Variants in PLAGL1 observed in about 807,000 individuals in gnomAD.
The protein encoded by PLAGL1 is zinc finger protein PLAGL1.
A neutral mutation model predicts 4.6 loss-of-function variants in PLAGL1; 1 was observed. That is an observed-to-expected ratio of 0.22 (90% CI 0.08 to 1.03). The LOEUF (loss-of-function observed/expected upper bound fraction) is 1.03, where lower values mean the gene tolerates loss of function less well. Among genes scored for constraint, PLAGL1 ranks in the 50% least tolerant of loss-of-function variants. PLAGL1 has a pLI of 0.58. For missense variants in PLAGL1, 464 were observed against 570.4 expected, an observed-to-expected ratio of 0.81 and a Z score of 1.90; for synonymous variants, 240 against 237.8, an observed-to-expected ratio of 1.01 and a Z score of -0.08.
upstream of PLAGL1, among the ~76,000 whole-genome samples, chr6:144,010,253 G>A (rs1473346588): frequency 6.6e-6 from 1 of 152,110 alleles, no homozygotes; most frequent in Non-Finnish European, 1.5e-5. This position sits in a 1 kb window ranked among gnomAD's most constrained non-coding sequence, Gnocchi z 4.1. Flanking sequence ...CTTCAGCAAA[G>A]TCTCAGGATA....
intron 1 of PLAGL1, among the ~76,000 whole-genome samples, chr6:144,046,638 CG>C (rs1562608026): frequency 6.6e-6 from 1 of 152,188 alleles, no homozygotes; most frequent in East Asian, 1.9e-4. Flanking sequence ...TTAGGCTACA[CG>C]GGGGTCAGGG....
In PLAGL1 at chr6:144,051,885, C is replaced by T. The variant is rs571717856; in HGVS notation, c.-151+12583G>A. ...ATCACCTCCCACTGGGTTACTCCCACGACATGTGGGAATTGTGGGAGTTAC... is the reference window on the plus strand; with the variant it reads ...ATCACCTCCCACTGGGTTACTCCCATGACATGTGGGAATTGTGGGAGTTAC... On this transcript the variant is annotated intron_variant, in intron 1 of 3. Transcript: ENST00000437412. Among the ~76,000 whole-genome samples, 63 of 152,300 alleles carry T rather than the reference C, an allele frequency of 4.1e-4. 2 individuals carry two copies. The highest frequency in any genetic ancestry group is 2.4e-3 in the Admixed American group (37 of 15,296).
rs1472794151 is a variant in PLAGL1 at position 143,990,687 on chromosome 6, T to G, written c.-583-5513A>C. Among the ~76,000 whole-genome samples, 1 of 152,204 alleles carries G rather than the reference T, an allele frequency of 6.6e-6. No homozygotes were observed. The highest frequency in any genetic ancestry group is 1.5e-5 in the Non-Finnish European group (1 of 68,044). ...CTCAAGAGAGATTACTAGGTTGAGA[T>G]AGTAAAAACGTACCTTCCCTTCAAG... is the stretch of plus-strand genomic sequence containing the variant. On this transcript the variant is annotated intron_variant, in intron 1 of 7. Coordinates refer to ENST00000674357, the MANE Select transcript of PLAGL1 (RefSeq NM_001317162.2). The surrounding 1 kb of genome is among the most constrained non-coding windows in gnomAD (Gnocchi z 5.4).
chr6:143,988,621 G>T (rs1429274962), intron 1 of PLAGL1, among the ~76,000 whole-genome samples: 1 of 152,168 alleles, frequency 6.6e-6, no homozygotes, highest in Non-Finnish European at 1.5e-5. Context: ...GGTCAGTTCA[G>T]GTTGTAATAA....
rs544894242 is a variant in PLAGL1, at chr6:143,961,788, C to T, written c.-398-1246G>A. Among the ~76,000 whole-genome samples, 148 of 152,174 alleles carry T rather than the reference C, an allele frequency of 9.7e-4. No homozygotes were observed. Among genetic ancestry groups the T allele is most frequent in the African/African-American group, 3.3e-3 (136 of 41,492 alleles). On this transcript the variant is annotated intron_variant, in intron 5 of 7. Transcript: ENST00000674357. This position sits in a 1 kb window ranked among gnomAD's most constrained non-coding sequence, Gnocchi z 6.5. ...TTAAAGCAAAAGAGTAAAATTCTTC[C>T]GGATGATTCTTCCTTTGCACCTACC...
At chr6:144,049,858 C>A (rs1044039017) in intron 1 of PLAGL1, among the ~76,000 whole-genome samples, 1 of 152,078 alleles carries the variant, frequency 6.6e-6, no homozygotes, top group South Asian at 2.1e-4. Context: ...GGCTCCAAAG[C>A]CAAGGTTTTT....
rs1781960236 is a variant in PLAGL1, at chr6:143,955,616, C to T, written c.-325+4853G>A. On this transcript the variant is annotated intron_variant, in intron 6 of 7. Transcript: ENST00000674357. The surrounding 1 kb of genome is among the most constrained non-coding windows in gnomAD (Gnocchi z 4.9). Reference sequence around the variant, plus strand: ...GCCTCAAAGGGCCACAGAAAACTGACAAAACCAAACTACCAAGGGGAAAGG... The same window carrying T: ...GCCTCAAAGGGCCACAGAAAACTGATAAAACCAAACTACCAAGGGGAAAGG... Among the ~76,000 whole-genome samples, 1 of 152,044 alleles carries T rather than the reference C, an allele frequency of 6.6e-6. No homozygotes were observed. Among genetic ancestry groups the T allele is most frequent in the Non-Finnish European group, 1.5e-5 (1 of 68,030 alleles).
intron 1 of PLAGL1, among the ~76,000 whole-genome samples, chr6:144,054,998 C>T (rs6570601): frequency 0.01 from 1,591 of 152,106 alleles, 42 homozygotes; most frequent in African/African-American, 0.035. Flanking sequence ...AATTAAAACA[C>T]GAGGAAAATG....
intron 2 of PLAGL1, among the ~76,000 whole-genome samples, chr6:143,980,512 A>G (rs758326258): frequency 7.2e-5 from 11 of 151,888 alleles, no homozygotes; most frequent in Non-Finnish European, 1.3e-4. Context: ...CTAGAGGTCT[A>G]GAAGTTCAAT....
chr6:144,011,537 AT>A (rs1197429332), upstream of PLAGL1, among the ~76,000 whole-genome samples: 2 of 152,224 alleles, frequency 1.3e-5, no homozygotes, highest in East Asian at 1.9e-4. The surrounding 1 kb of genome is among the most constrained non-coding windows in gnomAD (Gnocchi z 4.3). Flanking sequence ...TTCTAGATCA[AT>A]TTTTCCCCCC....
In PLAGL1 at chr6:144,034,813, G is replaced by C. The variant is rs1797100962; in HGVS notation, c.-151+29655C>G. On this transcript the variant is annotated intron_variant, in intron 1 of 3. Transcript: ENST00000437412. The surrounding 1 kb of genome is among the most constrained non-coding windows in gnomAD (Gnocchi z 4.7). ...ATTTGTGGAGTTTTGCAAGCTTTAA[G>C]CAAAGTAGATGAACCAGGAACAAAG... Among the ~76,000 whole-genome samples, 1 of 152,138 alleles carries C rather than the reference G, an allele frequency of 6.6e-6. No homozygotes were observed. Among genetic ancestry groups the C allele is most frequent in the Non-Finnish European group, 1.5e-5 (1 of 68,014 alleles).
At chr6:144,030,648 C>T (rs1179236046) in intron 1 of PLAGL1, among the ~76,000 whole-genome samples, 1 of 152,194 alleles carries the variant, frequency 6.6e-6, no homozygotes, top group South Asian at 2.1e-4. Flanking sequence ...TCTCCAATTC[C>T]ATCCAGGTTG....
chr6:143,951,248 C>T (rs1562402815), intron 6 of PLAGL1, among the ~76,000 whole-genome samples: 1 of 152,218 alleles, frequency 6.6e-6, no homozygotes, highest in Non-Finnish European at 1.5e-5. Flanking sequence ...TACAAATAGG[C>T]AGTATTTATG....
In PLAGL1 at chr6:143,954,100, C is replaced by G. The variant is rs951282753; in HGVS notation, c.-324-5640G>C. On this transcript the variant is annotated intron_variant, in intron 6 of 7. Coordinates refer to ENST00000674357, the MANE Select transcript of PLAGL1 (RefSeq NM_001317162.2). This position sits in a 1 kb window ranked among gnomAD's most constrained non-coding sequence, Gnocchi z 5.1. ...ACCAGCCCAAGAGAAAAGAGCAAACCATAAGGACAAAGGGGGTTTCCTCCA... is the reference window on the plus strand; with the variant it reads ...ACCAGCCCAAGAGAAAAGAGCAAACGATAAGGACAAAGGGGGTTTCCTCCA... 1.3e-5 allele frequency among the ~76,000 whole-genome samples: 2 copies of G among 152,082 alleles called. No individual in the cohort carries two copies. Among genetic ancestry groups the G allele is most frequent in the Admixed American group, 6.6e-5 (1 of 15,260 alleles).
At chr6:144,010,393 C>A (rs1013410183), upstream of PLAGL1, among the ~76,000 whole-genome samples, 8 of 152,162 alleles carry the variant, frequency 5.3e-5, no homozygotes, top group African/African-American at 9.7e-5. This position sits in a 1 kb window ranked among gnomAD's most constrained non-coding sequence, Gnocchi z 4.1. Flanking sequence ...ATACAACTTA[C>A]AAGAGATGTG....
At position 143,973,650 on chromosome 6, in the gene PLAGL1, T is replaced by C. The variant is rs1785850514; in HGVS notation, c.-543-4672A>G. ...TTCATGTCACCGTACCCAAACTATA[T>C]GGAAACTTTATTCTCAATCGAATGG... On this transcript the variant is annotated intron_variant, in intron 2 of 7. Transcript: ENST00000674357. This position sits in a 1 kb window ranked among gnomAD's most constrained non-coding sequence, Gnocchi z 6.2. Among the ~76,000 whole-genome samples the C allele has an allele frequency of 6.6e-6, 1 of 152,210 alleles. No homozygotes were observed. Among genetic ancestry groups the C allele is most frequent in the Non-Finnish European group, 1.5e-5 (1 of 68,024 alleles).
chr6:143,980,480 A>G (rs1253253324), intron 2 of PLAGL1, among the ~76,000 whole-genome samples: 4 of 151,030 alleles, frequency 2.6e-5, no homozygotes, highest in African/African-American at 9.7e-5. Context: ...TGTATTTTTC[A>G]ACTCAGGTGT....
rs1016905798 is a variant in PLAGL1 at position 143,990,815 on chromosome 6, T to C, written c.-583-5641A>G. Among the ~76,000 whole-genome samples, 1 of 152,248 alleles carries C rather than the reference T, an allele frequency of 6.6e-6. No individual in the cohort carries two copies. The highest frequency in any genetic ancestry group is 1.5e-5 in the Non-Finnish European group (1 of 68,052). On this transcript the variant is annotated intron_variant, in intron 1 of 7. Transcript: ENST00000674357. The surrounding 1 kb of genome is among the most constrained non-coding windows in gnomAD (Gnocchi z 5.4). ...TCTTTCCTCCCTTGTGTCATGCCGCTGCATTATATATCAGACACATTCCTT... is the reference window on the plus strand; with the variant it reads ...TCTTTCCTCCCTTGTGTCATGCCGCCGCATTATATATCAGACACATTCCTT...
chr6:144,026,900 A>G (rs1796381735), intron 1 of PLAGL1, among the ~76,000 whole-genome samples: 1 of 152,146 alleles, frequency 6.6e-6, no homozygotes, highest in Non-Finnish European at 1.5e-5. Context: ...AATTAAGCTC[A>G]TCAATAAAAC....
Sources: allele counts gnomAD v4.1 joint callset (sites outside exome capture counted in the v4.1 genomes callset), GRCh38; gene constraint gnomAD v4.1.1; non-coding constraint Gnocchi (gnomAD v3.1); transcripts MANE v1.5; gene names NCBI Gene and HGNC (gene_info 2026-07-23, HGNC 2026-07-21).